Variants in NKAIN3 observed in about 807,000 individuals in gnomAD.
The protein encoded by NKAIN3 is sodium/potassium-transporting ATPase subunit beta-1-interacting protein 3.
Under a neutral mutation model 30.2 loss-of-function variants are expected in NKAIN3, and 25 were observed. The observed-to-expected ratio is 0.83, with a 90% CI of 0.60 to 1.16. NKAIN3 has a LOEUF of 1.16. Ranked by LOEUF, NKAIN3 falls within the 50% of genes most tolerant of loss-of-function variation. The pLI is 0.00. For synonymous variants in NKAIN3, 91 were observed against 89.6 expected, an observed-to-expected ratio of 1.02 and a Z score of -0.09; for missense variants, 225 against 254.1, an observed-to-expected ratio of 0.89 and a Z score of 0.78.
In NKAIN3 at chr8:62,976,986, T is replaced by C. The variant is rs572915321; in HGVS notation, c.*11579T>C. 1.3e-5 allele frequency among the ~76,000 whole-genome samples: 2 copies of C among 152,194 alleles called. No homozygotes were observed. Among genetic ancestry groups the C allele is most frequent in the Non-Finnish European group, 2.9e-5 (2 of 68,032 alleles). On this transcript the variant is annotated 3_prime_UTR_variant, in exon 7 of 7. Transcript: ENST00000623646. ...TGAAATTCTGGGTTGAAAATTCTTT[T>C]CTTTAAGAATGTTGAATATTAGCCC...
At chr8:62,927,910 A>C (rs1383501432) in intron 5 of NKAIN3, among the ~76,000 whole-genome samples, 2 of 152,218 alleles carry the variant, frequency 1.3e-5, no homozygotes, top group Non-Finnish European at 2.9e-5. Context: ...GGCATATAAT[A>C]TTTTTAAGAG....
rs565075460 is a variant in NKAIN3, at chr8:62,699,206, A to C, written c.274-47726A>C. 3.6e-3 allele frequency among the ~76,000 whole-genome samples: 546 copies of C among 152,342 alleles called. 4 individuals are homozygous for C. Among genetic ancestry groups the C allele is most frequent in the African/African-American group, 0.013 (522 of 41,584 alleles). On this transcript the variant is annotated intron_variant, in intron 3 of 6. Transcript: ENST00000623646. ...CTTCCTACTTTTTGAAAACTAGGAA[A>C]TTAATTTGATATAGCTACACAAAAG...
At chr8:62,806,821 A>T (rs948358477) in intron 4 of NKAIN3, among the ~76,000 whole-genome samples, 3 of 151,594 alleles carry the variant, frequency 2.0e-5, no homozygotes, top group Admixed American at 1.3e-4. Flanking sequence ...AAAAAATAAA[A>T]TAATATAAAA....
intron 3 of NKAIN3, among the ~76,000 whole-genome samples, chr8:62,715,752 G>T (rs1814878711): frequency 6.6e-6 from 1 of 152,138 alleles, no homozygotes. Context: ...GCTGCCTGGT[G>T]GGAGTTGGAT....
intron 5 of NKAIN3, among the ~76,000 whole-genome samples, chr8:62,924,538 G>T (rs1468516539): frequency 6.6e-6 from 1 of 152,124 alleles, no homozygotes; most frequent in Admixed American, 6.5e-5. Context: ...CGGGGAGAAG[G>T]TTCTTCCTTT....
At chr8:62,355,471 G>A (rs950195684) in intron 1 of NKAIN3, among the ~76,000 whole-genome samples, 5 of 152,124 alleles carry the variant, frequency 3.3e-5, no homozygotes, top group Non-Finnish European at 7.4e-5. Context: ...GGCAGTGGAG[G>A]TAGTTAAGAA....
intron 1 of NKAIN3, among the ~76,000 whole-genome samples, chr8:62,566,727 A>G (rs946033891): frequency 6.6e-6 from 1 of 152,070 alleles, no homozygotes; most frequent in African/African-American, 2.4e-5. Context: ...TTTTCAGTTG[A>G]TTCATCTTTA....
chr8:62,271,405 T>C (rs1305002159), intron 1 of NKAIN3, among the ~76,000 whole-genome samples: 1 of 152,178 alleles, frequency 6.6e-6, no homozygotes, highest in Non-Finnish European at 1.5e-5. Context: ...GAGAACTGTT[T>C]GGTGTTTTGT....
intron 1 of NKAIN3, among the ~76,000 whole-genome samples, chr8:62,430,587 T>G (rs140812459): frequency 6.6e-6 from 1 of 151,932 alleles, no homozygotes; most frequent in Non-Finnish European, 1.5e-5. Flanking sequence ...TTTATTCACA[T>G]TCTCATGCCT....
At chr8:62,573,624 T>G (rs1330290033) in intron 1 of NKAIN3, among the ~76,000 whole-genome samples, 1 of 152,148 alleles carries the variant, frequency 6.6e-6, no homozygotes, top group Non-Finnish European at 1.5e-5. Flanking sequence ...TTCTTTATAG[T>G]GTACAGATTC....
At chr8:62,817,252 A>G (rs1818713386) in intron 4 of NKAIN3, among the ~76,000 whole-genome samples, 1 of 152,134 alleles carries the variant, frequency 6.6e-6, no homozygotes, top group South Asian at 2.1e-4. Context: ...AAATGTGCAC[A>G]GTTTAAAGTT....
intron 1 of NKAIN3, among the ~76,000 whole-genome samples, chr8:62,546,192 G>A (rs1051833508): frequency 4.6e-5 from 7 of 152,116 alleles, no homozygotes; most frequent in East Asian, 1.9e-4. Flanking sequence ...AGGTTAATGC[G>A]TTCCTTGTGT....
intron 4 of NKAIN3, among the ~76,000 whole-genome samples, chr8:62,845,472 C>T (rs1819662015): frequency 6.6e-6 from 1 of 151,452 alleles, no homozygotes; most frequent in South Asian, 2.1e-4. Flanking sequence ...TGAGTCCTGT[C>T]CAGGAGCAGT....
chr8:62,498,294 T>C (rs917885932), intron 1 of NKAIN3, among the ~76,000 whole-genome samples: 9 of 152,262 alleles, frequency 5.9e-5, no homozygotes, highest in African/African-American at 1.9e-4. Flanking sequence ...GTTTATTTTA[T>C]TCAATGCAAT....
At chr8:62,953,738 T>G (rs1261463956) in intron 5 of NKAIN3, among the ~76,000 whole-genome samples, 164 bp from the exon 6 acceptor site, 2 of 152,234 alleles carry the variant, frequency 1.3e-5, no homozygotes, top group African/African-American at 4.8e-5. Context: ...TTCCTCTTTT[T>G]GGCTCATTGA....
At chr8:62,806,723 G>A (rs775374119) in intron 4 of NKAIN3, among the ~76,000 whole-genome samples, 17 of 151,920 alleles carry the variant, frequency 1.1e-4, no homozygotes, top group Admixed American at 2.0e-4. Flanking sequence ...GTTAATGGGT[G>A]CAGCACACCA....
intron 4 of NKAIN3, among the ~76,000 whole-genome samples, chr8:62,776,107 T>C (rs1240091587): frequency 6.6e-6 from 1 of 152,118 alleles, no homozygotes; most frequent in Admixed American, 6.5e-5. Context: ...TTGTTTCCAT[T>C]TGCATGAAAT....
intron 1 of NKAIN3, among the ~76,000 whole-genome samples, chr8:62,461,240 GCAGAGACTT>G (rs1322862192): frequency 1.3e-5 from 2 of 152,212 alleles, no homozygotes; most frequent in Non-Finnish European, 2.9e-5. Flanking sequence ...AGTTAACAAA[GCAGAGACTT>G]CAGTGGCTGC....
intron 3 of NKAIN3, among the ~76,000 whole-genome samples, chr8:62,743,401 T>C (rs1359912687): frequency 6.6e-6 from 1 of 152,132 alleles, no homozygotes; most frequent in Non-Finnish European, 1.5e-5. Context: ...TTTTTCCCCG[T>C]TGAAAGGGTC....
Sources: gnomAD v4.1 joint callset for allele counts (sites outside exome capture counted in the v4.1 genomes callset) on GRCh38, gnomAD v4.1.1 for gene constraint, MANE v1.5 for transcripts, NCBI Gene and HGNC (gene_info 2026-07-23, HGNC 2026-07-21) for gene names.